NR4A3: variants seen among roughly 807,000 people sequenced by gnomAD.
NR4A3 encodes the protein nuclear receptor subfamily 4 group A member 3.
In NR4A3, 13 loss-of-function variants were observed where a neutral mutation model predicts 55.6. The observed-to-expected ratio is 0.23, with a 90% CI of 0.15 to 0.37. The LOEUF (loss-of-function observed/expected upper bound fraction) is 0.37. NR4A3 is among the 10% of genes least tolerant of loss of function. The probability of loss-of-function intolerance (pLI) is 1.00; values close to 1 mark genes in which losing one functional copy is unlikely to be tolerated. For missense variants in NR4A3, 646 were observed against 822.8 expected, an observed-to-expected ratio of 0.79 and a Z score of 2.63; for synonymous variants, 342 against 357.9, an observed-to-expected ratio of 0.96 and a Z score of 0.50.
chr9:99,834,016 C>T (rs1307399969), intron 5 of NR4A3: 1 of 1,109,634 alleles, frequency 9.0e-7, no homozygotes, highest in African/African-American at 1.6e-5. Flanking sequence ...GCTTTTGGCT[C>T]TCTCCTGCCT....
chr9:99,866,028 T>G lies in NR4A3; in HGVS notation c.*2161T>G, dbSNP rs192282865. 476 of 216,150 alleles carry G rather than the reference T, an allele frequency of 2.2e-3. No homozygotes were observed. Among genetic ancestry groups the G allele is most frequent in the South Asian group, 3.4e-3 (18 of 5,358 alleles). The allele number at this position is 216,150 out of a possible 1,614,324, so 13.4% of individuals were successfully genotyped here. A position where few individuals can be genotyped will look rare whatever the true frequency, so the allele number is the denominator to read the frequency against. ...GACCTAATTTACCTTTCCATACTCT[T>G]TTTTTTTCTCAACTTCATCTATATA... On this transcript the variant is annotated 3_prime_UTR_variant, in exon 8 of 8. Transcript: ENST00000395097.
chr9:99,825,132 G>C lies in NR4A3; in HGVS notation c.-176-527G>C, dbSNP rs1827270467. ...AAAGCGCAGACTTTCTTAATTCCTC[G>C]GGGCATTCATGCATTCGTTCCGGAC... On this transcript the variant is annotated intron_variant, in intron 1 of 7. Transcript: ENST00000395097. This position sits in a 1 kb window ranked among gnomAD's most constrained non-coding sequence, Gnocchi z 5.0. 1.3e-5 allele frequency among the ~76,000 whole-genome samples: 2 copies of C among 152,138 alleles called. No individual in the cohort carries two copies. Among genetic ancestry groups the C allele is most frequent in the South Asian group, 2.1e-4 (1 of 4,814 alleles).
intron 5 of NR4A3, among the ~76,000 whole-genome samples, chr9:99,844,047 T>A (rs1473293886): frequency 1.6e-5 from 2 of 121,590 alleles, no homozygotes; most frequent in African/African-American, 3.2e-5. Flanking sequence ...ATTACAGGCA[T>A]GAGCCACCGC....
chr9:99,861,032 G>T (rs1049679640), intron 7 of NR4A3, among the ~76,000 whole-genome samples: 9 of 152,284 alleles, frequency 5.9e-5, no homozygotes, highest in African/African-American at 2.2e-4. Flanking sequence ...CGATTTTCCT[G>T]TGAAGACATT....
intron 6 of NR4A3, among the ~76,000 whole-genome samples, chr9:99,846,346 C>T (rs1827753217): frequency 6.6e-6 from 1 of 152,110 alleles, no homozygotes; most frequent in East Asian, 1.9e-4. Context: ...CCTCAACAAT[C>T]TTAGGAGGTA....
chr9:99,834,887 T>C, intron 5 of NR4A3: 1 of 984,638 alleles, frequency 1.0e-6, no homozygotes, highest in Non-Finnish European at 1.2e-6. Flanking sequence ...TTGACTACAA[T>C]CAAGTCTCAA....
chr9:99,838,315 C>A (rs565258803), intron 5 of NR4A3, among the ~76,000 whole-genome samples: 2 of 152,286 alleles, frequency 1.3e-5, no homozygotes, highest in South Asian at 2.1e-4. Flanking sequence ...CTTGCAAATA[C>A]GAGAGGTGCT....
rs113273448 is a variant in NR4A3 at position 99,844,874 on chromosome 9, T to A, written c.1454+26T>A. On this transcript the variant is annotated intron_variant, in intron 6 of 7. Coordinates refer to ENST00000395097, the MANE Select transcript of NR4A3 (RefSeq NM_006981.4). ...GTAATTACTACTATTTTATCTTCAG[T>A]CTACGTCCTTTGAAGAAGCCTGAAA... 210 of 1,560,914 alleles carry A rather than the reference T, an allele frequency of 1.3e-4. 3 individuals carry two copies. The African/African-American group carries it at 2.1e-3, about 16-fold the overall frequency.
Position 99,828,273 on chromosome 9 carries a change from C to A in NR4A3, c.231C>A (p.Tyr77Ter). The A allele has an allele frequency of 6.2e-7, 1 of 1,613,960 alleles. No homozygotes were observed. Reference protein sequence around the residue: ...SNYELKPSCVYQMQRPLIKVE... With the variant: ...SNYELKPSCV The stretch of plus-strand genomic sequence containing the variant: ...ACGAACTCAAGCCTTCCTGCGTGTA[C>A]CAAATGCAGCGGCCCTTGATCAAAG... The change falls in exon 3 of 8, where the codon TAC becomes TAA. Residue 77 changes from tyrosine to a stop codon, truncating the protein, a stop_gained. Transcript: ENST00000395097. LOFTEE classifies it high-confidence loss of function. This position sits in a 1 kb window ranked among gnomAD's most constrained non-coding sequence, Gnocchi z 7.7.
intron 7 of NR4A3, among the ~76,000 whole-genome samples, chr9:99,859,665 G>A (rs1376630053): frequency 3.3e-5 from 5 of 152,164 alleles, no homozygotes; most frequent in Non-Finnish European, 7.3e-5. Flanking sequence ...TTGAGCAGTC[G>A]CAACTGGTTG....
chr9:99,826,663 T>C, intron 2 of NR4A3: 1 of 942,414 alleles, frequency 1.1e-6, no homozygotes. Flanking sequence ...GTGAGTGTAT[T>C]TTTAAGGCCC....
At chr9:99,855,713 G>T (rs545057101) in intron 7 of NR4A3, among the ~76,000 whole-genome samples, 1 of 152,242 alleles carries the variant, frequency 6.6e-6, no homozygotes, top group African/African-American at 2.4e-5. Flanking sequence ...ATGAGTGATA[G>T]CAATAAGGTG....
At chr9:99,861,958 G>C (rs988656981) in intron 7 of NR4A3, among the ~76,000 whole-genome samples, 1 of 151,972 alleles carries the variant, frequency 6.6e-6, no homozygotes, top group Non-Finnish European at 1.5e-5. Flanking sequence ...ACCAGGTATG[G>C]TGGTGCATGC....
At position 99,863,901 on chromosome 9, in the gene NR4A3, C is replaced by T; in HGVS notation, c.*34C>T. The T allele has an allele frequency of 1.3e-6, 2 of 1,588,270 alleles. No homozygotes were observed. ...AGTGGAGCAGTGAGCTGCCTCCTCT[C>T]CTAGCACCTGCTTGCTACGCAGCAA... On this transcript the variant is annotated 3_prime_UTR_variant, in exon 8 of 8. Coordinates refer to ENST00000395097, the MANE Select transcript of NR4A3 (RefSeq NM_006981.4).
chr9:99,835,999 C>T (rs1337836713), intron 5 of NR4A3, among the ~76,000 whole-genome samples: 1 of 152,038 alleles, frequency 6.6e-6, no homozygotes, highest in African/African-American at 2.4e-5. Context: ...ACTTGGATTC[C>T]CCTGCTTTTA....
intron 5 of NR4A3, chr9:99,834,757 C>A (rs1827522476): frequency 1.0e-6 from 1 of 983,302 alleles, no homozygotes; most frequent in Non-Finnish European, 1.2e-6. Flanking sequence ...TCTTCCCCAC[C>A]CTCATTATAG....
At chr9:99,843,456 T>C (rs1827689921) in intron 5 of NR4A3, among the ~76,000 whole-genome samples, 1 of 152,200 alleles carries the variant, frequency 6.6e-6, no homozygotes, top group Non-Finnish European at 1.5e-5. Context: ...AATCATTCTT[T>C]CTCTTGTTGA....
rs755566389 is a variant in NR4A3, at chr9:99,828,461, C to T, written c.419C>T (p.Pro140Leu). 2 of 1,575,874 alleles carry T rather than the reference C, an allele frequency of 1.3e-6. No individual in the cohort carries two copies. Among genetic ancestry groups the T allele is most frequent in the South Asian group, 2.4e-5 (2 of 84,212 alleles). ...TCCATGTACTTCAAGCAGTCCCCACCGTCCACCCCCACCACGCCGGCCTTC... is the reference window on the plus strand; with the variant it reads ...TCCATGTACTTCAAGCAGTCCCCACTGTCCACCCCCACCACGCCGGCCTTC... Reference protein sequence around the residue: ...STSMYFKQSPPSTPTTPAFPP... With the variant: ...STSMYFKQSPLSTPTTPAFPP... Residue 140 changes from proline to leucine, a missense_variant, in exon 3 of 8, where the codon CCG becomes CTG. This residue lies in a region of NR4A3 where 426 missense variants were observed against 429.4 expected (regional missense o/e 0.99). Transcript: ENST00000395097. The surrounding 1 kb of genome is among the most constrained non-coding windows in gnomAD (Gnocchi z 7.7).
chr9:99,833,193 C>A, intron 4 of NR4A3, 89 bp from the exon 5 acceptor site: 1 of 1,474,934 alleles, frequency 6.8e-7, no homozygotes, highest in Non-Finnish European at 9.1e-7. Context: ...GATTGCTCAA[C>A]TGTAATGTGT....
Sources: allele counts gnomAD v4.1 joint callset (sites outside exome capture counted in the v4.1 genomes callset), GRCh38; gene constraint gnomAD v4.1.1; regional missense constraint gnomAD v4.1.1; non-coding constraint Gnocchi (gnomAD v3.1); transcripts MANE v1.5; gene names NCBI Gene and HGNC (gene_info 2026-07-23, HGNC 2026-07-21).